The following ADCY1 variants were observed in gnomAD, a reference collection of about 807,000 sequenced individuals.
The protein encoded by ADCY1 is adenylate cyclase type 1.
A neutral mutation model predicts 105.4 loss-of-function variants in ADCY1; 28 were observed. The observed-to-expected ratio is 0.27, with a 90% CI of 0.20 to 0.36. The LOEUF is 0.36. ADCY1 is among the 10% of genes least tolerant of loss of function. ADCY1 has a pLI of 1.00. For synonymous variants in ADCY1, 655 were observed against 623.8 expected, an observed-to-expected ratio of 1.05 and a Z score of -0.75; for missense variants, 977 against 1,434.2, an observed-to-expected ratio of 0.68 and a Z score of 5.15.
At chr7:45,678,290 G>A (rs768565456) in intron 10 of ADCY1, 27 bp downstream of exon 10, 3 of 1,596,656 alleles carry the variant, frequency 1.9e-6, no homozygotes, top group African/African-American at 1.3e-5. Flanking sequence ...ACGAGGTGAG[G>A]AACTCACCAA....
intron 4 of ADCY1, among the ~76,000 whole-genome samples, chr7:45,643,977 C>T (rs1329857789): frequency 6.6e-5 from 10 of 152,172 alleles, no homozygotes; most frequent in Admixed American, 3.9e-4. Flanking sequence ...AGCTCTTCTG[C>T]GCTATCTCTG....
At chr7:45,697,820 C>CT (rs1562728791) in intron 14 of ADCY1, among the ~76,000 whole-genome samples, 2 of 152,226 alleles carry the variant, frequency 1.3e-5, no homozygotes, top group Admixed American at 6.5e-5. Flanking sequence ...CACAGCAAAA[C>CT]TTTCAGCTCA....
intron 3 of ADCY1, among the ~76,000 whole-genome samples, chr7:45,614,358 G>T (rs369547097): frequency 6.6e-6 from 1 of 151,826 alleles, no homozygotes; most frequent in Admixed American, 6.6e-5. Flanking sequence ...AATCACTGAG[G>T]TAACCACAAA....
At chr7:45,673,612 G>A (rs1181831266) in intron 8 of ADCY1, among the ~76,000 whole-genome samples, 1 of 151,952 alleles carries the variant, frequency 6.6e-6, no homozygotes, top group East Asian at 1.9e-4. Flanking sequence ...AGAGTATGTA[G>A]TAAAATTTCA....
chr7:45,696,648 G>A (rs540558454), intron 14 of ADCY1, among the ~76,000 whole-genome samples: 6 of 152,218 alleles, frequency 3.9e-5, no homozygotes, highest in African/African-American at 1.2e-4. Flanking sequence ...CCCCAGGACC[G>A]TTCAGCTTCA....
At position 45,677,990 on chromosome 7, in the gene ADCY1, G is replaced by A. The variant is rs1290230631; in HGVS notation, c.1727G>A (p.Arg576His). The A allele has an allele frequency of 3.1e-6, 5 of 1,614,062 alleles. No homozygotes were observed. The Admixed American group carries it at 5.0e-5, about 16-fold the overall frequency. Residue 576 changes from arginine to histidine, a missense_variant, in exon 9 of 20, where the codon CGC becomes CAC. This residue lies in a region of ADCY1 where 275 missense variants were observed against 362.1 expected (regional missense o/e 0.76). Coordinates refer to ENST00000297323, the MANE Select transcript of ADCY1 (RefSeq NM_021116.4). ...TACATCAGCCGCCTCTTAGAAGCCC[G>A]CCAGACAGAGCTGGAGATGGCAGAC... ...NRYISRLLEA[R>H]QTELEMADLN...
chr7:45,577,311 G>A (rs958040738), intron 1 of ADCY1, among the ~76,000 whole-genome samples: 1 of 152,210 alleles, frequency 6.6e-6, no homozygotes, highest in Admixed American at 6.5e-5. Context: ...TCAAGTCCAC[G>A]TGTCTATACA....
intron 1 of ADCY1, among the ~76,000 whole-genome samples, chr7:45,585,439 CT>C (rs56193100): frequency 0.034 from 4,144 of 121,042 alleles, 57 homozygotes; most frequent in African/African-American, 0.065. Flanking sequence ...GTGGGTACAT[CT>C]TTTTTTTTTT....
intron 2 of ADCY1, among the ~76,000 whole-genome samples, chr7:45,598,430 G>T (rs571853793): frequency 7.2e-5 from 11 of 152,280 alleles, no homozygotes; most frequent in African/African-American, 2.6e-4. Flanking sequence ...TCAAAAGTTG[G>T]TTCTTTGAAA....
chr7:45,590,473 C>T (rs555901552), intron 1 of ADCY1, among the ~76,000 whole-genome samples: 17 of 152,258 alleles, frequency 1.1e-4, no homozygotes, highest in Non-Finnish European at 1.5e-4. Context: ...CCCATGTGTC[C>T]GATGGCCCCT....
At chr7:45,586,756 C>T (rs778851943) in intron 1 of ADCY1, among the ~76,000 whole-genome samples, 5 of 152,358 alleles carry the variant, frequency 3.3e-5, no homozygotes, top group East Asian at 1.9e-4. Context: ...GGGACCACTC[C>T]ACCATCCAGA....
At chr7:45,709,750 C>T (rs1242814589) in intron 18 of ADCY1, among the ~76,000 whole-genome samples, 2 of 152,208 alleles carry the variant, frequency 1.3e-5, no homozygotes, top group African/African-American at 4.8e-5. Flanking sequence ...AGGTGGCTGC[C>T]AGCAGGCTGT....
At chr7:45,690,481 T>TG (rs1384077936) in intron 14 of ADCY1, among the ~76,000 whole-genome samples, 1 of 152,186 alleles carries the variant, frequency 6.6e-6, no homozygotes, top group East Asian at 1.9e-4. Context: ...AAAGAGGAAC[T>TG]GGGAATGCTC....
chr7:45,610,656 G>A (rs1177397373), intron 3 of ADCY1, among the ~76,000 whole-genome samples, 159 bp downstream of exon 3: 2 of 150,596 alleles, frequency 1.3e-5, no homozygotes, highest in Non-Finnish European at 3.0e-5. Flanking sequence ...GGGAAGTGAT[G>A]ATGGAAGTGA....
At chr7:45,660,324 C>G in intron 7 of ADCY1, 141 bp downstream of exon 7, 1 of 1,207,438 alleles carries the variant, frequency 8.3e-7, no homozygotes, top group Non-Finnish European at 1.2e-6. Flanking sequence ...AGAGTTGTCC[C>G]CACTGACACC....
chr7:45,627,785 C>T (rs1435039035), intron 4 of ADCY1, among the ~76,000 whole-genome samples: 4 of 152,144 alleles, frequency 2.6e-5, no homozygotes, highest in Non-Finnish European at 5.9e-5. Flanking sequence ...TGCATGATGG[C>T]TCTGAAGAGC....
chr7:45,689,287 CT>C (rs1427940740), intron 14 of ADCY1, among the ~76,000 whole-genome samples: 1 of 152,072 alleles, frequency 6.6e-6, no homozygotes, highest in Non-Finnish European at 1.5e-5. Flanking sequence ...ATAAATACAT[CT>C]GCATTAAGCT....
At chr7:45,619,811 G>A (rs375709207) in intron 3 of ADCY1, among the ~76,000 whole-genome samples, 18 of 152,218 alleles carry the variant, frequency 1.2e-4, no homozygotes, top group Admixed American at 2.6e-4. Context: ...TCTAACATGC[G>A]GCATGGTCAC....
At chr7:45,656,521 C>A (rs763942995) in intron 5 of ADCY1, among the ~76,000 whole-genome samples, 3 of 152,172 alleles carry the variant, frequency 2.0e-5, no homozygotes, top group Non-Finnish European at 4.4e-5. Context: ...TTTTTGGGCA[C>A]AGGCCCTTGT....
Sources: gnomAD v4.1 joint callset for allele counts (sites outside exome capture counted in the v4.1 genomes callset) on GRCh38, gnomAD v4.1.1 for gene constraint, gnomAD v4.1.1 regional missense constraint, MANE v1.5 for transcripts, NCBI Gene and HGNC (gene_info 2026-07-23, HGNC 2026-07-21) for gene names.